The following GAP43 variants were observed in gnomAD, a reference collection of about 807,000 sequenced individuals.
GAP43 encodes growth associated protein 43, also known as neuromodulin.
GAP43 carries 6 observed loss-of-function variants against 18.6 expected under a neutral mutation model. That is an observed-to-expected ratio of 0.32 (90% CI 0.18 to 0.64). GAP43 has a LOEUF of 0.64. Ranked by LOEUF, GAP43 falls within the 30% of genes least tolerant of loss-of-function variation. The pLI, the probability that GAP43 is intolerant of heterozygous loss-of-function variation, is 0.78. For synonymous variants in GAP43, 115 were observed against 111.4 expected, an observed-to-expected ratio of 1.03 and a Z score of -0.20; for missense variants, 292 against 295.5, an observed-to-expected ratio of 0.99 and a Z score of 0.09.
intron 2 of GAP43, among the ~76,000 whole-genome samples, chr3:115,714,800 T>C (rs997655764): frequency 2.6e-5 from 4 of 151,828 alleles, no homozygotes; most frequent in Non-Finnish European, 5.9e-5. Context: ...GGAGAAGCCA[T>C]CACTAGGTAG....
intron 1 of GAP43, among the ~76,000 whole-genome samples, chr3:115,673,016 T>C (rs540792609): frequency 2.6e-5 from 4 of 152,256 alleles, no homozygotes; most frequent in Admixed American, 2.6e-4. Flanking sequence ...CTCCTAACTC[T>C]TGTTTTTCAT....
chr3:115,707,956 A>C (rs1709385238), intron 2 of GAP43, among the ~76,000 whole-genome samples: 1 of 151,956 alleles, frequency 6.6e-6, no homozygotes, highest in Non-Finnish European at 1.5e-5. Flanking sequence ...TGACATCTAC[A>C]TGTCACAAAG....
intron 1 of GAP43, chr3:115,663,873 C>A (rs1473405143): frequency 2.6e-6 from 4 of 1,552,136 alleles, no homozygotes; most frequent in Admixed American, 3.9e-5. Context: ...GCAGTTCGAC[C>A]TAGTCCTTAT....
intron 1 of GAP43, among the ~76,000 whole-genome samples, chr3:115,631,763 G>T (rs538492079): frequency 5.5e-4 from 83 of 152,258 alleles, no homozygotes; most frequent in Non-Finnish European, 1.0e-4. Flanking sequence ...TGGGACTACA[G>T]TTGCATGCCA....
intron 1 of GAP43, 126 bp downstream of exon 1, chr3:115,623,845 T>C (rs1708148312): frequency 1.1e-6 from 1 of 884,968 alleles, no homozygotes; most frequent in South Asian, 1.4e-5. Context: ...CCTTAGCATA[T>C]GGTAACTGAT....
At chr3:115,648,992 T>C (rs1479505352) in intron 1 of GAP43, among the ~76,000 whole-genome samples, 2 of 152,070 alleles carry the variant, frequency 1.3e-5, no homozygotes, top group Non-Finnish European at 2.9e-5. Context: ...GTTTAAAGGC[T>C]TAGAAGAAGG....
intron 2 of GAP43, among the ~76,000 whole-genome samples, chr3:115,684,036 A>G (rs113245536): frequency 4.6e-5 from 7 of 152,292 alleles, no homozygotes; most frequent in African/African-American, 1.7e-4. Flanking sequence ...GAATTAAAAT[A>G]TTTCAGTTTG....
chr3:115,701,186 A>G (rs1196560845), intron 2 of GAP43, among the ~76,000 whole-genome samples: 1 of 152,132 alleles, frequency 6.6e-6, no homozygotes, highest in Non-Finnish European at 1.5e-5. Context: ...GAAGAGGTCT[A>G]CCTTGGGAAC....
At chr3:115,657,923 A>G (rs948949362) in intron 1 of GAP43, among the ~76,000 whole-genome samples, 4 of 152,162 alleles carry the variant, frequency 2.6e-5, no homozygotes, top group African/African-American at 9.7e-5. Flanking sequence ...AGGTATTACT[A>G]AATTCCTCAT....
At chr3:115,713,090 A>G (rs1280730874) in intron 2 of GAP43, among the ~76,000 whole-genome samples, 2 of 152,348 alleles carry the variant, frequency 1.3e-5, no homozygotes, top group East Asian at 3.9e-4. Flanking sequence ...TCCAGGCTCC[A>G]GATGGACATC....
intron 1 of GAP43, among the ~76,000 whole-genome samples, chr3:115,655,751 A>G (rs1234256711): frequency 6.6e-6 from 1 of 152,230 alleles, no homozygotes; most frequent in Non-Finnish European, 1.5e-5. Flanking sequence ...ATAATATTCA[A>G]TGACATTATG....
intron 1 of GAP43, among the ~76,000 whole-genome samples, chr3:115,671,894 C>A (rs1341884627): frequency 6.6e-6 from 1 of 152,184 alleles, no homozygotes; most frequent in Non-Finnish European, 1.5e-5. Context: ...GTGTCTACTG[C>A]AAATTCCTGG....
At chr3:115,690,917 G>A (rs894665589) in intron 2 of GAP43, among the ~76,000 whole-genome samples, 15 of 151,800 alleles carry the variant, frequency 9.9e-5, no homozygotes, top group Admixed American at 8.5e-4. Context: ...CACCATGCCC[G>A]GCTAACTTTT....
At position 115,623,715 on chromosome 3, in the gene GAP43, A is replaced by G; in HGVS notation, c.26A>G (p.Lys9Arg). MLCCMRRTKQVEKNDDDQK... is the reference protein window; with the variant it reads MLCCMRRTRQVEKNDDDQK... ...ATGCTGTGCTGTATGAGAAGAACCA[A>G]ACAGGTAGAGCTAAAGATTTTTTAC... Residue 9 changes from lysine to arginine, a missense_variant, in exon 1 of 3, where the codon AAA becomes AGA. Physicochemically the swap from Lys to Arg is conservative, Grantham distance 26. Coordinates refer to ENST00000305124, the MANE Select transcript of GAP43 (RefSeq NM_002045.4). The G allele has an allele frequency of 1.2e-6, 2 of 1,614,200 alleles. No homozygotes were observed. The highest frequency in any genetic ancestry group is 1.7e-6 in the Non-Finnish European group (2 of 1,179,992).
In GAP43 at chr3:115,676,354, C is replaced by G. The variant is rs940830329; in HGVS notation, c.372C>G (p.Ala124=). ...GEGDAATEQA[A]PQAPASSEEK... is the part of the protein sequence containing the mutation. ...GTGATGCTGCCACAGAGCAGGCAGCCCCCCAGGCTCCTGCATCCTCAGAGG... is the reference window on the plus strand; with the variant it reads ...GTGATGCTGCCACAGAGCAGGCAGCGCCCCAGGCTCCTGCATCCTCAGAGG... The change falls in exon 2 of 3, where the codon GCC becomes GCG. Residue 124 remains alanine, a synonymous_variant. Transcript: ENST00000305124. 22 of 1,614,030 alleles carry G rather than the reference C, an allele frequency of 1.4e-5. No homozygotes were observed. Among genetic ancestry groups the G allele is most frequent in the Non-Finnish European group, 1.8e-5 (21 of 1,179,968 alleles).
chr3:115,690,232 CT>C (rs1709091634), intron 2 of GAP43, among the ~76,000 whole-genome samples: 1 of 149,536 alleles, frequency 6.7e-6, no homozygotes, highest in Non-Finnish European at 1.5e-5. Flanking sequence ...CCGCCACCCC[CT>C]GCCCACCATT....
In GAP43 at chr3:115,707,886, A is replaced by G. The variant is rs115988773; in HGVS notation, c.629-12908A>G. ...TTTTGCTATTTCCTTTGATCATGGT[A>G]ACATTATAGGACCACAGGTTTTCTT... On this transcript the variant is annotated intron_variant, in intron 2 of 2. Transcript: ENST00000305124. Among the ~76,000 whole-genome samples, 899 of 152,218 alleles carry G rather than the reference A, an allele frequency of 5.9e-3. 10 individuals are homozygous for G. Among genetic ancestry groups the G allele is most frequent in the African/African-American group, 0.021 (868 of 41,538 alleles).
chr3:115,696,908 C>T (rs1367518463), intron 2 of GAP43, among the ~76,000 whole-genome samples: 1 of 151,816 alleles, frequency 6.6e-6, no homozygotes, highest in Admixed American at 6.6e-5. Context: ...TCTCAGCTCA[C>T]TGCAACCTCC....
At chr3:115,669,567 A>C (rs1379269043) in intron 1 of GAP43, among the ~76,000 whole-genome samples, 1 of 152,128 alleles carries the variant, frequency 6.6e-6, no homozygotes, top group Non-Finnish European at 1.5e-5. Context: ...TACATTATTT[A>C]CCTCTTCTAT....
Sources: allele counts gnomAD v4.1 joint callset (sites outside exome capture counted in the v4.1 genomes callset), GRCh38; gene constraint gnomAD v4.1.1; transcripts MANE v1.5; gene names NCBI Gene and HGNC (gene_info 2026-07-23, HGNC 2026-07-21).